The following WWC1 variants were observed in gnomAD, a reference collection of about 807,000 sequenced individuals.
WWC1 encodes the protein WW and C2 domain containing 1.
Under a neutral mutation model 138.4 loss-of-function variants are expected in WWC1, and 55 were observed. That is an observed-to-expected ratio of 0.40 (90% CI 0.32 to 0.50). The LOEUF (loss-of-function observed/expected upper bound fraction) is 0.50. Ranked by LOEUF, WWC1 falls within the 20% of genes least tolerant of loss-of-function variation. WWC1 has a pLI of 0.72. For missense variants in WWC1, 1,226 were observed against 1,420.4 expected (o/e 0.86, Z 2.20); for synonymous variants, 524 against 564.9 (o/e 0.93, Z 1.03).
intron 3 of WWC1, among the ~76,000 whole-genome samples, chr5:168,389,250 C>T (rs1778283856): frequency 6.6e-6 from 1 of 151,954 alleles, no homozygotes; most frequent in Non-Finnish European, 1.5e-5. Flanking sequence ...AGATCGAGAC[C>T]ATCCCAGCCA....
rs568582696 is a variant in WWC1, at chr5:168,328,770, C to T, written c.119+36499C>T. On this transcript the variant is annotated intron_variant, in intron 1 of 22. Transcript: ENST00000265293. ...CAGGCTGGTCTCAAACTCCTGACCT[C>T]GTGATCTGCCCGCCTCGGCCTCCCA... 3.9e-5 allele frequency among the ~76,000 whole-genome samples: 6 copies of T among 152,190 alleles called. No homozygotes were observed. The South Asian group carries it at 6.2e-4, about 16-fold the overall frequency.
rs1276099603 is a variant in WWC1, at chr5:168,414,512, A to G, written c.1106A>G (p.Gln369Arg). 5.8e-6 allele frequency: 9 copies of G among 1,557,712 alleles called. No homozygotes were observed. Among genetic ancestry groups the G allele is most frequent in the Non-Finnish European group, 7.0e-6 (8 of 1,150,234 alleles). ...AAGTGGACCCAGGGGGAGGTGGAGC[A>G]GCTGGAGATGGCCCGGAAGCGGCTG... ...PRKWTQGEVE[Q>R]LEMARKRLEK... Residue 369 changes from glutamine to arginine, a missense_variant, in exon 9 of 23, where the codon CAG becomes CGG. By Grantham distance (43) the Gln-to-Arg change is conservative. Coordinates refer to ENST00000265293, the MANE Select transcript of WWC1 (RefSeq NM_015238.3).
intron 1 of WWC1, among the ~76,000 whole-genome samples, chr5:168,294,095 A>ACCGC (rs1158204171): frequency 2.0e-5 from 3 of 152,022 alleles, no homozygotes; most frequent in Non-Finnish European, 4.4e-5. Flanking sequence ...GAGGGAAAGG[A>ACCGC]CCGCCCCTGC....
At chr5:168,464,417 C>G (rs1214361496) in intron 20 of WWC1, among the ~76,000 whole-genome samples, 1 of 152,160 alleles carries the variant, frequency 6.6e-6, no homozygotes, top group African/African-American at 2.4e-5. Flanking sequence ...AGCTTTACCA[C>G]ACATATCCTG....
intron 2 of WWC1, among the ~76,000 whole-genome samples, chr5:168,373,755 G>T (rs1386086427): frequency 9.1e-6 from 1 of 110,224 alleles, no homozygotes; most frequent in African/African-American, 3.2e-5. Context: ...AAAAAAAAAA[G>T]GTGGGGGTGT....
intron 1 of WWC1, among the ~76,000 whole-genome samples, chr5:168,370,424 C>T (rs1157757793): frequency 6.6e-6 from 1 of 152,178 alleles, no homozygotes; most frequent in Non-Finnish European, 1.5e-5. Flanking sequence ...CAGTCATCTC[C>T]CGTCCTGTCC....
intron 3 of WWC1, among the ~76,000 whole-genome samples, chr5:168,396,289 A>G (rs1279098288): frequency 1.3e-5 from 2 of 152,258 alleles, no homozygotes; most frequent in African/African-American, 4.8e-5. Context: ...AGGCTGAGAC[A>G]GGAGAACAGC....
At chr5:168,351,618 G>A (rs1446653322) in intron 1 of WWC1, among the ~76,000 whole-genome samples, 1 of 152,200 alleles carries the variant, frequency 6.6e-6, no homozygotes, top group African/African-American at 2.4e-5. Flanking sequence ...GCCTGGCAAA[G>A]GCTGCAGGTG....
At chr5:168,393,465 T>C (rs1778657046) in intron 3 of WWC1, among the ~76,000 whole-genome samples, 1 of 152,220 alleles carries the variant, frequency 6.6e-6, no homozygotes, top group Non-Finnish European at 1.5e-5. Flanking sequence ...CATGGTGCAA[T>C]GCCCTCAGGG....
intron 17 of WWC1, among the ~76,000 whole-genome samples, chr5:168,445,701 CA>C (rs763044458): frequency 0.27 from 13,764 of 50,906 alleles, 373 homozygotes; most frequent in African/African-American, 0.35. Context: ...GACTCTGTCT[CA>C]AAAAAAAAAA....
At chr5:168,327,383 A>G (rs1057127622) in intron 1 of WWC1, among the ~76,000 whole-genome samples, 1 of 152,258 alleles carries the variant, frequency 6.6e-6, no homozygotes, top group Non-Finnish European at 1.5e-5. Context: ...TCTAGGGCCC[A>G]GGACCTAAGA....
At chr5:168,339,830 CT>C (rs59597331) in intron 1 of WWC1, among the ~76,000 whole-genome samples, 2 of 135,254 alleles carry the variant, frequency 1.5e-5, no homozygotes, top group East Asian at 4.2e-4. Flanking sequence ...TTCTTTCTTT[CT>C]TTTTCTTTTC....
At chr5:168,428,883 A>C in intron 13 of WWC1, 96 bp downstream of exon 13, 3 of 1,334,796 alleles carry the variant, frequency 2.2e-6, no homozygotes, top group Non-Finnish European at 3.2e-6. Context: ...ACAGCCGCCC[A>C]GGGTGGAAGG....
In WWC1 at chr5:168,414,510, G is replaced by T; in HGVS notation, c.1104G>T (p.Glu368Asp). Residue 368 changes from glutamate to aspartate, a missense_variant, in exon 9 of 23, where the codon GAG (glutamate) becomes GAT (aspartate). Physicochemically the swap from Glu to Asp is conservative, Grantham distance 45 (BLOSUM62 2). Around this residue, in one of 3 missense-constraint regions of WWC1, gnomAD observed 1,016 missense variants for 1,153.9 expected, o/e 0.88. Coordinates refer to ENST00000265293, the MANE Select transcript of WWC1 (RefSeq NM_015238.3). Reference protein sequence around the residue: ...SPRKWTQGEVEQLEMARKRLE... With the variant: ...SPRKWTQGEVDQLEMARKRLE... ...GCAAGTGGACCCAGGGGGAGGTGGA[G>T]CAGCTGGAGATGGCCCGGAAGCGGC... 1 of 1,557,844 alleles carries T rather than the reference G, an allele frequency of 6.4e-7. No individual in the cohort carries two copies. Among genetic ancestry groups the T allele is most frequent in the Admixed American group, 1.9e-5 (1 of 51,612 alleles).
At chr5:168,331,675 C>T (rs1437306979) in intron 1 of WWC1, among the ~76,000 whole-genome samples, 7 of 152,186 alleles carry the variant, frequency 4.6e-5, no homozygotes, top group South Asian at 4.1e-4. Flanking sequence ...GTTAAGGTAA[C>T]GTGATAGCTG....
chr5:168,292,040 C>T lies in WWC1; in HGVS notation c.-113C>T. On this transcript the variant is annotated 5_prime_UTR_variant, in exon 1 of 23. Coordinates refer to ENST00000265293, the MANE Select transcript of WWC1 (RefSeq NM_015238.3). The surrounding 1 kb of genome is among the most constrained non-coding windows in gnomAD (Gnocchi z 4.4). ...GGGCCCCCCATCTGCGGGCGCCACC[C>T]CCCGGATCATGGTGCCTCGGCGGCC... The T allele has an allele frequency of 7.6e-7, 1 of 1,316,162 alleles. No individual in the cohort carries two copies. The highest frequency in any genetic ancestry group is 9.8e-7 in the Non-Finnish European group (1 of 1,020,836). The allele number at this position is 1,316,162 out of a possible 1,614,324, so 81.5% of individuals were successfully genotyped here. A position where few individuals can be genotyped will look rare whatever the true frequency, so the allele number is the denominator to read the frequency against.
rs752215516 is a variant in WWC1 at position 168,424,009 on chromosome 5, G to A, written c.1751G>A (p.Ser584Asn). Residue 584 changes from serine (S) to asparagine (N), a missense_variant, in exon 11 of 23, where the codon AGC (serine) becomes AAC (asparagine). Ser to Asn is a conservative substitution (Grantham distance 46, BLOSUM62 1). Around this residue, in one of 3 missense-constraint regions of WWC1, gnomAD observed 1,016 missense variants for 1,153.9 expected, o/e 0.88. Transcript: ENST00000265293. Reference protein sequence around the residue: ...ATLCELSLGNSAQERYRLEEP... With the variant: ...ATLCELSLGNNAQERYRLEEP... ...CTTTGTGAACTGAGCCTTGGTAACA[G>A]CGCCCAGGAAAGATACCGGCTGGAG... is the stretch of plus-strand genomic sequence containing the variant. The A allele has an allele frequency of 6.2e-7, 1 of 1,613,760 alleles. No homozygotes were observed. The highest frequency in any genetic ancestry group is 1.1e-5 in the South Asian group (1 of 91,008).
chr5:168,305,486 C>T (rs1378288031), intron 1 of WWC1, among the ~76,000 whole-genome samples: 3 of 152,206 alleles, frequency 2.0e-5, no homozygotes, highest in Non-Finnish European at 4.4e-5. Flanking sequence ...CTTTTCTATT[C>T]TTGGTTAATG....
In WWC1 at chr5:168,414,441, C is replaced by T. The variant is rs61730020; in HGVS notation, c.1035C>T (p.Asn345=). The stretch of plus-strand genomic sequence containing the variant: ...AGAGGGACCGGCTGATCCTTATCAA[C>T]GAGAAGGAGGAGCTGCTGAAGGAGA... The part of the protein sequence containing the change: ...DSERDRLILI[N]EKEELLKEMR... The change falls in exon 9 of 23, where the codon AAC becomes AAT. Residue 345 remains asparagine, a synonymous_variant. Coordinates refer to ENST00000265293, the MANE Select transcript of WWC1 (RefSeq NM_015238.3). 2.5e-3 allele frequency: 4,012 copies of T among 1,586,872 alleles called. 9 individuals are homozygous for T. Among genetic ancestry groups the T allele is most frequent in the African/African-American group, 0.013 (1,000 of 74,550 alleles).
Sources: gnomAD v4.1 joint callset for allele counts (sites outside exome capture counted in the v4.1 genomes callset) on GRCh38, gnomAD v4.1.1 for gene constraint, gnomAD v4.1.1 regional missense constraint, Gnocchi (gnomAD v3.1) non-coding constraint, MANE v1.5 for transcripts, NCBI Gene and HGNC (gene_info 2026-07-23, HGNC 2026-07-21) for gene names.